The following ACACA variants were observed in gnomAD, a reference collection of about 807,000 sequenced individuals.
ACACA encodes the protein acetyl-CoA carboxylase alpha.
ACACA carries 103 observed loss-of-function variants against 296.1 expected under a neutral mutation model. The ratio of observed to expected loss-of-function variants is 0.35; its 90% CI spans 0.30 to 0.41. The LOEUF (loss-of-function observed/expected upper bound fraction) is 0.41, where lower values mean the gene tolerates loss of function less well. Among genes scored for constraint, ACACA ranks in the 10% least tolerant of loss-of-function variants. ACACA has a pLI of 1.00. For synonymous variants in ACACA, 953 were observed against 1,038.6 expected (o/e 0.92, Z 1.58); for missense variants, 1,554 against 2,989.7 (o/e 0.52, Z 11.20).
chr17:37,147,509 T>C (rs2075862900), intron 45 of ACACA, among the ~76,000 whole-genome samples: 1 of 151,416 alleles, frequency 6.6e-6, no homozygotes, highest in Admixed American at 6.6e-5. Context: ...ACAGAAGGAG[T>C]GAGTCAGAGG....
chr17:37,183,279 C>T (rs2077393740), intron 39 of ACACA, among the ~76,000 whole-genome samples: 1 of 152,104 alleles, frequency 6.6e-6, no homozygotes, highest in South Asian at 2.1e-4. Context: ...AACAATCTAG[C>T]TACATATGTA....
At chr17:37,388,324 T>C (rs1400743701) in intron 1 of ACACA, among the ~76,000 whole-genome samples, 4 of 152,168 alleles carry the variant, frequency 2.6e-5, no homozygotes, top group Admixed American at 2.0e-4. Context: ...GGAACCCTGA[T>C]AAAGCTGACA....
At chr17:37,316,302 T>TATACACACACAC (rs1555641967) in intron 3 of ACACA, among the ~76,000 whole-genome samples, 1 of 142,506 alleles carries the variant, frequency 7.0e-6, no homozygotes, top group Admixed American at 7.1e-5. Context: ...TACCCTTACA[T>TATACACACACAC]ACACACACAC....
intron 45 of ACACA, among the ~76,000 whole-genome samples, chr17:37,147,051 AT>A (rs935131189): frequency 1.3e-5 from 2 of 151,828 alleles, no homozygotes; most frequent in Admixed American, 1.3e-4. Flanking sequence ...CACACACAAG[AT>A]TTTTTTCCCC....
chr17:37,102,006 C>T (rs139391611), intron 52 of ACACA, among the ~76,000 whole-genome samples: 1 of 152,272 alleles, frequency 6.6e-6, no homozygotes, highest in Non-Finnish European at 1.5e-5. Context: ...CAGATCTACA[C>T]ACCTACATCT....
intron 1 of ACACA, among the ~76,000 whole-genome samples, chr17:37,351,190 G>A (rs564092385): frequency 2.1e-4 from 32 of 151,562 alleles, no homozygotes; most frequent in Non-Finnish European, 1.9e-4. Context: ...GGCTGGGTGC[G>A]GTGGCTCACG....
chr17:37,109,510 C>T (rs2073870045), intron 52 of ACACA, among the ~76,000 whole-genome samples: 1 of 152,184 alleles, frequency 6.6e-6, no homozygotes, highest in Non-Finnish European at 1.5e-5. Context: ...CCAAGCTGCC[C>T]TAGGCCAGAG....
At chr17:37,156,347 G>C (rs1403007391) in intron 42 of ACACA, among the ~76,000 whole-genome samples, 1 of 152,172 alleles carries the variant, frequency 6.6e-6, no homozygotes, top group African/African-American at 2.4e-5. Context: ...AAAGGCGTGA[G>C]CCACTGCTCC....
At position 37,248,164 on chromosome 17, in the gene ACACA, G is replaced by A. The variant is rs1202570519; in HGVS notation, c.2164-8C>T. The A allele has an allele frequency of 1.2e-6, 2 of 1,614,046 alleles. No homozygotes were observed. The highest frequency in any genetic ancestry group is 3.3e-5 in the Admixed American group (2 of 60,030). On this transcript the variant is annotated splice_polypyrimidine_tract_variant and splice_region_variant and intron_variant, in intron 17 of 55. Transcript: ENST00000616317. ...GGGGGACTGTCGAGTCACCTGTAGG[G>A]AATGAGAATGAGGATCAGTGTGTCC...
At chr17:37,336,320 C>T (rs1208745762) in intron 2 of ACACA, among the ~76,000 whole-genome samples, 1 of 152,096 alleles carries the variant, frequency 6.6e-6, no homozygotes, top group African/African-American at 2.4e-5. Flanking sequence ...CCAACCTCCC[C>T]AACAGCAGTT....
intron 35 of ACACA, among the ~76,000 whole-genome samples, chr17:37,197,037 C>T (rs2078033126): frequency 6.6e-6 from 1 of 152,164 alleles, no homozygotes; most frequent in African/African-American, 2.4e-5. Context: ...ACAGAGTCAA[C>T]TCCCAGCCTC....
chr17:37,185,628 G>C (rs2077502724), intron 39 of ACACA, among the ~76,000 whole-genome samples: 1 of 151,356 alleles, frequency 6.6e-6, no homozygotes, highest in Non-Finnish European at 1.5e-5. Context: ...GAGCACAGTG[G>C]CACGATCTCA....
chr17:37,404,207 T>C (rs558744995), intron 1 of ACACA, among the ~76,000 whole-genome samples: 15 of 152,338 alleles, frequency 9.8e-5, no homozygotes, highest in African/African-American at 3.6e-4. Flanking sequence ...CCTTAGCCAG[T>C]CTCAAAATTT....
At chr17:37,089,468 G>C (rs1354496155) in intron 54 of ACACA, among the ~76,000 whole-genome samples, 5 of 152,214 alleles carry the variant, frequency 3.3e-5, no homozygotes, top group African/African-American at 1.2e-4. Flanking sequence ...AGGCAAGGCT[G>C]TTTATTTGGT....
At chr17:37,222,243 A>G (rs2079328723) in intron 28 of ACACA, among the ~76,000 whole-genome samples, 1 of 152,240 alleles carries the variant, frequency 6.6e-6, no homozygotes, top group Non-Finnish European at 1.5e-5. Flanking sequence ...AGCCACTTAC[A>G]GAGTGAAAAT....
Position 37,193,496 on chromosome 17 carries a change from GC to G in ACACA, c.4159-82del, listed in dbSNP as rs1341031231. On this transcript the variant is annotated intron_variant, in intron 35 of 55. Coordinates refer to ENST00000616317, the MANE Select transcript of ACACA (RefSeq NM_198834.3). ...GAACAAACAGTATAGAAACAGTTAA[GC>G]ATTTAGAAGACAGTTTTCTAGAAAA... 4.6e-6 allele frequency: 5 copies of G among 1,093,740 alleles called. No individual in the cohort carries two copies. In the African/African-American group the frequency reaches 7.8e-5, roughly 17 times the overall value. The allele number at this position is 1,093,740 out of a possible 1,614,324, so 67.8% of individuals were successfully genotyped here.
intron 8 of ACACA, chr17:37,274,677 A>G (rs918305953): frequency 4.1e-6 from 4 of 985,232 alleles, no homozygotes; most frequent in South Asian, 4.7e-5. Context: ...GAAATAATTC[A>G]ATCTTTATGA....
chr17:37,231,535 A>G (rs2079859770), intron 25 of ACACA, among the ~76,000 whole-genome samples: 1 of 152,184 alleles, frequency 6.6e-6, no homozygotes, highest in South Asian at 2.1e-4. Context: ...CTTTATTTAC[A>G]TATTGGACAA....
chr17:37,193,588 T>C, intron 35 of ACACA, 173 bp from the exon 36 acceptor site: 1 of 490,210 alleles, frequency 2.0e-6, no homozygotes, highest in South Asian at 4.3e-5. Context: ...AACCATCACT[T>C]TGACCCCATT....
Sources: allele counts gnomAD v4.1 joint callset (sites outside exome capture counted in the v4.1 genomes callset), GRCh38; gene constraint gnomAD v4.1.1; transcripts MANE v1.5; gene names NCBI Gene and HGNC (gene_info 2026-07-23, HGNC 2026-07-21).